The following RSL24D1 variants were observed in gnomAD, a reference collection of about 807,000 sequenced individuals.
The protein encoded by RSL24D1 is ribosomal L24 domain containing 1.
RSL24D1 carries 6 observed loss-of-function variants against 26.2 expected under a neutral mutation model. The ratio of observed to expected loss-of-function variants is 0.23; its 90% CI spans 0.13 to 0.45. The LOEUF (loss-of-function observed/expected upper bound fraction) is 0.45, where lower values mean the gene tolerates loss of function less well. RSL24D1 is among the 20% of genes least tolerant of loss of function. The pLI, the probability that RSL24D1 is intolerant of heterozygous loss-of-function variation, is 0.99. For missense variants in RSL24D1, 176 were observed against 202.6 expected (o/e 0.87, Z 0.80); for synonymous variants, 61 against 59.1 (o/e 1.03, Z -0.15).
chr15:55,193,742 T>C (rs752891318), intron 1 of RSL24D1, among the ~76,000 whole-genome samples: 19 of 152,140 alleles, frequency 1.2e-4, no homozygotes, highest in Admixed American at 6.5e-5. Context: ...GTAGGACAGT[T>C]TTCTTAGAAA....
intron 1 of RSL24D1, among the ~76,000 whole-genome samples, chr15:55,195,092 G>C (rs939122704): frequency 6.7e-6 from 1 of 149,968 alleles, no homozygotes; most frequent in Admixed American, 6.6e-5. Context: ...ATCTGAACTA[G>C]GACAGGAAAG....
At chr15:55,190,944 T>A (rs1331426486) in intron 3 of RSL24D1, 31 bp downstream of exon 3, 2 of 1,465,526 alleles carry the variant, frequency 1.4e-6, no homozygotes, top group African/African-American at 2.8e-5. Context: ...CAGTCTCTCC[T>A]CAAAATTACT....
At chr15:55,183,531 T>G in intron 4 of RSL24D1, 131 bp from the exon 5 acceptor site, 2 of 651,598 alleles carry the variant, frequency 3.1e-6, no homozygotes, top group African/African-American at 1.8e-5. Context: ...ACATGATGGC[T>G]GCCCTTCTGT....
At chr15:55,191,098 A>T (rs756150832) in intron 2 of RSL24D1, 51 bp from the exon 3 acceptor site, 46 of 1,299,620 alleles carry the variant, frequency 3.5e-5, no homozygotes, top group Non-Finnish European at 5.0e-5. Context: ...AAAGGTAGAA[A>T]GGAAACATTT....
At chr15:55,189,209 A>G (rs7179365) in intron 3 of RSL24D1, among the ~76,000 whole-genome samples, 17,697 of 151,326 alleles carry the variant, frequency 0.12, 1,080 homozygotes, top group South Asian at 0.16. Context: ...AAAAAAAAAA[A>G]AAAAGAAATG....
intron 1 of RSL24D1, chr15:55,196,345 C>G: frequency 2.2e-6 from 1 of 457,290 alleles, no homozygotes; most frequent in South Asian, 1.5e-5. Context: ...GGACCCTCCC[C>G]AACTCACCTG....
chr15:55,190,138 C>T (rs530655036), intron 3 of RSL24D1, among the ~76,000 whole-genome samples: 50 of 151,546 alleles, frequency 3.3e-4, no homozygotes, highest in East Asian at 2.3e-3. Context: ...ATCCCAGCTA[C>T]CTGGGAGGCT....
chr15:55,182,814 A>T (rs1302040603), intron 5 of RSL24D1, among the ~76,000 whole-genome samples: 2 of 152,196 alleles, frequency 1.3e-5, no homozygotes, highest in South Asian at 2.1e-4. Context: ...CCTTTAAGTG[A>T]TCTACATAAG....
chr15:55,188,095 C>G (rs1894242829), intron 3 of RSL24D1, among the ~76,000 whole-genome samples: 1 of 152,120 alleles, frequency 6.6e-6, no homozygotes, highest in Non-Finnish European at 1.5e-5. Flanking sequence ...TAATCCATAT[C>G]CTCACACAAT....
intron 5 of RSL24D1, among the ~76,000 whole-genome samples, chr15:55,182,930 CAA>C (rs1471154944): frequency 6.6e-6 from 1 of 152,150 alleles, no homozygotes; most frequent in African/African-American, 2.4e-5. Flanking sequence ...GGCCCAGACT[CAA>C]AGAGCCTGGG....
intron 1 of RSL24D1, 55 bp downstream of exon 1, chr15:55,196,755 C>G (rs1211072574): frequency 1.3e-6 from 2 of 1,571,608 alleles, no homozygotes; most frequent in Non-Finnish European, 1.8e-6. Context: ...CGAGCCGCCG[C>G]GCCCAGGAAC....
At chr15:55,188,130 C>A (rs1276509529) in intron 3 of RSL24D1, among the ~76,000 whole-genome samples, 1 of 152,120 alleles carries the variant, frequency 6.6e-6, no homozygotes, top group Non-Finnish European at 1.5e-5. Flanking sequence ...AATGAATATA[C>A]AACTCTTGTC....
At chr15:55,188,365 G>C (rs771297497) in intron 3 of RSL24D1, among the ~76,000 whole-genome samples, 6 of 152,240 alleles carry the variant, frequency 3.9e-5, no homozygotes, top group Middle Eastern at 3.4e-3. Flanking sequence ...CTATTTTTAG[G>C]ATCCCAGTAA....
At chr15:55,196,549 A>G in intron 1 of RSL24D1, 4 of 589,620 alleles carry the variant, frequency 6.8e-6, no homozygotes, top group Non-Finnish European at 1.2e-5. Context: ...GGTAGGCGCT[A>G]GCTGGGATCG....
chr15:55,196,684 TC>T, intron 1 of RSL24D1, 125 bp downstream of exon 1: 2 of 860,426 alleles, frequency 2.3e-6, no homozygotes, highest in Non-Finnish European at 3.7e-6. Context: ...TAAGCCACCC[TC>T]CCAGGGGAAC....
intron 1 of RSL24D1, among the ~76,000 whole-genome samples, chr15:55,194,763 G>T (rs1234314295): frequency 6.6e-6 from 1 of 151,472 alleles, no homozygotes; most frequent in Non-Finnish European, 1.5e-5. Context: ...AAGGCAGAAA[G>T]ACTAGTTAAA....
At chr15:55,183,430 T>G (rs1566885629) in intron 4 of RSL24D1, 30 bp from the exon 5 acceptor site, 2 of 1,532,682 alleles carry the variant, frequency 1.3e-6, no homozygotes, top group South Asian at 2.3e-5. Context: ...AGCCAAAATT[T>G]CAGTTACTAA....
chr15:55,182,061 T>A lies in RSL24D1; in HGVS notation c.*91A>T. The A allele has an allele frequency of 1.3e-6, 1 of 748,496 alleles. No individual in the cohort carries two copies. Among genetic ancestry groups the A allele is most frequent in the Non-Finnish European group, 2.3e-6 (1 of 432,840 alleles). 46.4% of individuals were successfully genotyped at this position (748,496 alleles called of 1,614,324 possible). ...GTCTTTTAATCGCTTTTCATTTAAGTGACCTTATGTAAAAAATAAAATAAT... is the reference window on the plus strand; with the variant it reads ...GTCTTTTAATCGCTTTTCATTTAAGAGACCTTATGTAAAAAATAAAATAAT... On this transcript the variant is annotated 3_prime_UTR_variant, in exon 6 of 6. Transcript: ENST00000260443.
chr15:55,192,646 T>C lies in RSL24D1; in HGVS notation c.195+74A>G, dbSNP rs760252621. 6 of 1,002,864 alleles carry C rather than the reference T, an allele frequency of 6.0e-6. No individual in the cohort carries two copies. In the South Asian group the frequency reaches 6.7e-5, roughly 11 times the overall value. 62.1% of individuals were successfully genotyped at this position (1,002,864 alleles called of 1,614,324 possible). Reference sequence around the variant, plus strand: ...TATAGGAGGCCTTGTTATGATTGATTAGATGACATATACCCTTCAAATACT... The same window carrying C: ...TATAGGAGGCCTTGTTATGATTGATCAGATGACATATACCCTTCAAATACT... On this transcript the variant is annotated intron_variant, in intron 2 of 5. Coordinates refer to ENST00000260443, the MANE Select transcript of RSL24D1 (RefSeq NM_016304.3).
Sources: allele counts gnomAD v4.1 joint callset (sites outside exome capture counted in the v4.1 genomes callset), GRCh38; gene constraint gnomAD v4.1.1; transcripts MANE v1.5; gene names NCBI Gene and HGNC (gene_info 2026-07-23, HGNC 2026-07-21).